PLEKHA2: variants seen among roughly 807,000 people sequenced by gnomAD.
PLEKHA2 encodes the protein pleckstrin homology domain containing A2.
PLEKHA2 carries 28 observed loss-of-function variants against 53.2 expected under a neutral mutation model. That is an observed-to-expected ratio of 0.53 (90% confidence interval 0.39 to 0.72). The LOEUF is 0.72. Among genes scored for constraint, PLEKHA2 ranks in the 30% least tolerant of loss-of-function variants. PLEKHA2 has a pLI of 0.00. For missense variants in PLEKHA2, 426 were observed against 537.9 expected (o/e 0.79, Z 2.06); for synonymous variants, 193 against 196.4 (o/e 0.98, Z 0.14).
chr8:38,926,063 C>T (rs1420680898), intron 2 of PLEKHA2, among the ~76,000 whole-genome samples: 1 of 152,222 alleles, frequency 6.6e-6, no homozygotes, highest in Non-Finnish European at 1.5e-5. Flanking sequence ...TTGACAGTTT[C>T]TTGTGTCTGT....
chr8:38,918,097 G>A (rs779474563), intron 2 of PLEKHA2, 27 bp downstream of exon 2: 2 of 1,606,098 alleles, frequency 1.2e-6, no homozygotes, highest in Non-Finnish European at 1.7e-6. Flanking sequence ...GAAGGGGTGG[G>A]GCGACTGGGT....
At position 38,971,451 on chromosome 8, in the gene PLEKHA2, C is replaced by A. The variant is rs1835246743; in HGVS notation, c.*1668C>A. On this transcript the variant is annotated 3_prime_UTR_variant, in exon 12 of 12. Transcript: ENST00000617275. ...GAAGCCATTCCAAATTCTTATAGCT[C>A]CTTAGCTCTGGTTTTACTCTCGTAT... 1 of 152,284 alleles carries A rather than the reference C, an allele frequency of 6.6e-6. No homozygotes were observed. Among genetic ancestry groups the A allele is most frequent in the African/African-American group, 2.4e-5 (1 of 41,422 alleles). 9.4% of individuals were successfully genotyped at this position (152,284 alleles called of 1,614,324 possible).
chr8:38,969,226 T>C (rs1835196153), intron 11 of PLEKHA2, among the ~76,000 whole-genome samples, 195 bp from the exon 12 acceptor site: 1 of 152,174 alleles, frequency 6.6e-6, no homozygotes, highest in South Asian at 2.1e-4. Context: ...TGATATGTCC[T>C]GCAAGTTTCA....
intron 2 of PLEKHA2, among the ~76,000 whole-genome samples, chr8:38,931,542 G>C (rs948948378): frequency 6.6e-6 from 1 of 152,186 alleles, no homozygotes; most frequent in Non-Finnish European, 1.5e-5. Context: ...CTTGGGAGCT[G>C]CAAACTGAAG....
chr8:38,957,127 T>C (rs934199025), intron 9 of PLEKHA2, among the ~76,000 whole-genome samples, 196 bp from the exon 10 acceptor site: 18 of 152,120 alleles, frequency 1.2e-4, no homozygotes, highest in African/African-American at 4.3e-4. Context: ...CAAAGCCTCC[T>C]GAGACCCTCT....
At chr8:38,934,124 AAAG>A (rs775351473) in intron 2 of PLEKHA2, among the ~76,000 whole-genome samples, 12 of 152,060 alleles carry the variant, frequency 7.9e-5, no homozygotes, top group Admixed American at 2.6e-4. Context: ...CAGAAAAGAA[AAAG>A]AAGAAGAGGT....
At chr8:38,932,418 T>C (rs1588250673) in intron 2 of PLEKHA2, among the ~76,000 whole-genome samples, 1 of 152,182 alleles carries the variant, frequency 6.6e-6, no homozygotes, top group Non-Finnish European at 1.5e-5. Flanking sequence ...CGGTTCAGGC[T>C]TCAGGGAAGA....
At chr8:38,916,101 G>C (rs925650380) in intron 1 of PLEKHA2, among the ~76,000 whole-genome samples, 1 of 152,034 alleles carries the variant, frequency 6.6e-6, no homozygotes, top group East Asian at 1.9e-4. Flanking sequence ...TCAGCCTCCT[G>C]AGTAGCTGGG....
intron 1 of PLEKHA2, among the ~76,000 whole-genome samples, chr8:38,917,653 C>T (rs1419581761): frequency 6.6e-6 from 1 of 152,198 alleles, no homozygotes; most frequent in Non-Finnish European, 1.5e-5. Flanking sequence ...GGCTTATCTC[C>T]TCTATGGATG....
At chr8:38,937,069 G>T (rs916810911) in intron 3 of PLEKHA2, among the ~76,000 whole-genome samples, 1 of 152,200 alleles carries the variant, frequency 6.6e-6, no homozygotes, top group African/African-American at 2.4e-5. Flanking sequence ...GGGGACTGGG[G>T]GACTCTGGAG....
At chr8:38,960,436 G>A (rs1012507647) in intron 10 of PLEKHA2, among the ~76,000 whole-genome samples, 4 of 151,954 alleles carry the variant, frequency 2.6e-5, no homozygotes, top group African/African-American at 4.8e-5. Context: ...CTATGATCTC[G>A]CCACTGCACT....
At chr8:38,924,588 G>A (rs1216864405) in intron 2 of PLEKHA2, among the ~76,000 whole-genome samples, 1 of 152,196 alleles carries the variant, frequency 6.6e-6, no homozygotes, top group Non-Finnish European at 1.5e-5. Context: ...CCTGCACCGG[G>A]CAGTCACTGG....
Position 38,917,991 on chromosome 8 carries a change from A to G in PLEKHA2, c.62A>G (p.Asn21Ser). ...TTTCTGGACATCGAGGAGCATGAGA[A>G]CAGCGGCAAGTTTCTGCGGAGGTAC... ...CGFLDIEEHE[N>S]SGKFLRRYFI... Residue 21 changes from asparagine (N) to serine (S), a missense_variant, in exon 2 of 12, where the codon AAC becomes AGC. Transcript: ENST00000617275. 6.2e-7 allele frequency: 1 copy of G among 1,613,660 alleles called. No individual in the cohort carries two copies.
intron 11 of PLEKHA2, 112 bp downstream of exon 11, chr8:38,968,781 A>T: frequency 3.0e-6 from 3 of 997,240 alleles, no homozygotes; most frequent in Non-Finnish European, 4.6e-6. Flanking sequence ...GGTGCAGCTG[A>T]AGCCCCAGGC....
At chr8:38,953,632 G>C (rs1834886395) in intron 9 of PLEKHA2, among the ~76,000 whole-genome samples, 1 of 152,052 alleles carries the variant, frequency 6.6e-6, no homozygotes, top group Non-Finnish European at 1.5e-5. Context: ...AAAAAGAAAG[G>C]GTATAGAAAC....
At chr8:38,938,132 T>C (rs1322595399) in intron 3 of PLEKHA2, among the ~76,000 whole-genome samples, 1 of 152,224 alleles carries the variant, frequency 6.6e-6, no homozygotes, top group Non-Finnish European at 1.5e-5. Flanking sequence ...CCAACCCCGC[T>C]GTCCCACCCC....
chr8:38,906,261 T>C (rs72636197), intron 1 of PLEKHA2, among the ~76,000 whole-genome samples: 12,200 of 152,316 alleles, frequency 0.08, 638 homozygotes, highest in East Asian at 0.2. Context: ...CCGGGCAGGC[T>C]TTTGTTTCCT....
chr8:38,936,777 G>A (rs548073416), intron 3 of PLEKHA2, among the ~76,000 whole-genome samples: 15 of 152,354 alleles, frequency 9.8e-5, no homozygotes, highest in Admixed American at 4.6e-4. Flanking sequence ...GTGATGCAGC[G>A]GTGATAAAAA....
chr8:38,946,984 C>T (rs1834727143), intron 5 of PLEKHA2, among the ~76,000 whole-genome samples: 1 of 152,142 alleles, frequency 6.6e-6, no homozygotes, highest in Admixed American at 6.5e-5. Flanking sequence ...CTATTACATG[C>T]TGCAGCAAAT....
Sources: gnomAD v4.1 joint callset for allele counts (sites outside exome capture counted in the v4.1 genomes callset) on GRCh38, gnomAD v4.1.1 for gene constraint, MANE v1.5 for transcripts, NCBI Gene and HGNC (gene_info 2026-07-23, HGNC 2026-07-21) for gene names.